KCNT2: variants seen among roughly 807,000 people sequenced by gnomAD.
KCNT2 encodes the protein potassium channel subfamily T member 2.
KCNT2 carries 67 observed loss-of-function variants against 153.8 expected under a neutral mutation model. The observed-to-expected ratio is 0.44, with a 90% CI of 0.36 to 0.53. The LOEUF (loss-of-function observed/expected upper bound fraction) is 0.53. KCNT2 is among the 20% of genes least tolerant of loss of function. KCNT2 has a pLI of 0.00. For missense variants in KCNT2, 975 were observed against 1,354.8 expected (o/e 0.72, Z 4.40); for synonymous variants, 500 against 458.8 (o/e 1.09, Z -1.15).
At chr1:196,285,233 G>A (rs1224715771) in intron 23 of KCNT2, among the ~76,000 whole-genome samples, 6 of 152,058 alleles carry the variant, frequency 3.9e-5, no homozygotes, top group Non-Finnish European at 1.5e-5. Flanking sequence ...AATGTCCTTA[G>A]TTTATCAGTT....
chr1:196,460,398 ATATATT>A (rs1431654153), intron 8 of KCNT2, among the ~76,000 whole-genome samples: 2 of 151,764 alleles, frequency 1.3e-5, no homozygotes, highest in Non-Finnish European at 2.9e-5. Context: ...TTAACTTATA[ATATATT>A]TAAGTATCTC....
At chr1:196,480,388 A>C (rs113922318) in intron 4 of KCNT2, among the ~76,000 whole-genome samples, 8,778 of 152,186 alleles carry the variant, frequency 0.058, 390 homozygotes, top group Non-Finnish European at 0.085. Context: ...GTGTAAGTAA[A>C]ATATGTTCAG....
chr1:196,444,980 A>G (rs1350561013), intron 8 of KCNT2, among the ~76,000 whole-genome samples: 4 of 151,426 alleles, frequency 2.6e-5, no homozygotes, highest in Non-Finnish European at 5.9e-5. Context: ...TACTAAATTC[A>G]GTCTAAAAGG....
chr1:196,399,263 C>T (rs1420232501), intron 12 of KCNT2, among the ~76,000 whole-genome samples: 1 of 151,324 alleles, frequency 6.6e-6, no homozygotes, highest in Non-Finnish European at 1.5e-5. Flanking sequence ...TAGTAGTCAC[C>T]CCATAAATTC....
intron 16 of KCNT2, among the ~76,000 whole-genome samples, chr1:196,335,582 T>C (rs927860609): frequency 3.9e-5 from 6 of 152,180 alleles, no homozygotes; most frequent in African/African-American, 1.4e-4. Flanking sequence ...CTATCCATCA[T>C]TGACTGAATT....
chr1:196,542,176 C>T (rs1656469323), intron 1 of KCNT2, among the ~76,000 whole-genome samples: 1 of 152,062 alleles, frequency 6.6e-6, no homozygotes, highest in South Asian at 2.1e-4. Flanking sequence ...TTTACACTAA[C>T]CCAAAATCCG....
chr1:196,282,291 T>A lies in KCNT2; in HGVS notation c.2763A>T (p.Gly921=). ...AACTTACAGAACAAAGAAACCCAGA[T>A]CCTGGTGTAGTGTCCAGTCCCAACA... ...RLLLGLDTTP[G]SGFLCSMKIT... is the part of the protein sequence containing the mutation. Residue 921 remains glycine (G), a synonymous_variant, in exon 24 of 28, where the codon GGA becomes GGT. Transcript: ENST00000294725. 1 of 1,594,390 alleles carries A rather than the reference T, an allele frequency of 6.3e-7. No individual in the cohort carries two copies. Among genetic ancestry groups the A allele is most frequent in the Non-Finnish European group, 8.6e-7 (1 of 1,163,160 alleles).
intron 14 of KCNT2, among the ~76,000 whole-genome samples, chr1:196,360,864 G>A (rs1667557168): frequency 6.6e-6 from 1 of 151,990 alleles, no homozygotes; most frequent in Non-Finnish European, 1.5e-5. Context: ...ACTAGCAAAC[G>A]AATACTATGG....
Position 196,492,339 on chromosome 1 carries a change from A to C in KCNT2, c.98T>G (p.Val33Gly), listed in dbSNP as rs1679918226. ...GDQGWQNDDR[V>G]QVEFYMNENT... ...TTCATTCATATAGAATTCAACTTGT[A>C]CCCTGCAAACAGAAAATAAAAACAT... is the stretch of plus-strand genomic sequence containing the variant. The change falls in exon 2 of 28, where the codon GTA (valine) becomes GGA (glycine). Residue 33 changes from valine (V) to glycine (G), a missense_variant and splice_region_variant. Physicochemically the swap from Val to Gly is moderately radical, Grantham distance 109 (BLOSUM62 -3). Coordinates refer to ENST00000294725, the MANE Select transcript of KCNT2 (RefSeq NM_198503.5). 1 of 1,389,152 alleles carries C rather than the reference A, an allele frequency of 7.2e-7. No individual in the cohort carries two copies. The highest frequency in any genetic ancestry group is 9.6e-7 in the Non-Finnish European group (1 of 1,043,230). 86.1% of individuals were successfully genotyped at this position (1,389,152 alleles called of 1,614,324 possible). A position where few individuals can be genotyped will look rare whatever the true frequency, so the allele number is the denominator to read the frequency against.
At chr1:196,414,026 C>G (rs1672551280) in intron 12 of KCNT2, among the ~76,000 whole-genome samples, 1 of 151,578 alleles carries the variant, frequency 6.6e-6, no homozygotes, top group African/African-American at 2.4e-5. Context: ...GTACTTTTAA[C>G]AAATAGTGTG....
chr1:196,228,368 A>G, intron 27 of KCNT2, 33 bp from the exon 28 acceptor site: 1 of 1,125,370 alleles, frequency 8.9e-7, no homozygotes, highest in Non-Finnish European at 1.3e-6. Context: ...ATAACTTTGC[A>G]ATAGTAAATA....
At chr1:196,304,956 A>C (rs1661494816) in intron 22 of KCNT2, among the ~76,000 whole-genome samples, 1 of 152,166 alleles carries the variant, frequency 6.6e-6, no homozygotes, top group Non-Finnish European at 1.5e-5. Context: ...GTGAGTATAC[A>C]CATTTCTGTT....
chr1:196,459,596 G>C (rs760138291), intron 8 of KCNT2, among the ~76,000 whole-genome samples: 11 of 151,762 alleles, frequency 7.2e-5, no homozygotes, highest in Non-Finnish European at 1.2e-4. Flanking sequence ...AAAATGTCAA[G>C]TTATCATTTA....
chr1:196,538,823 C>T (rs1490867045), intron 1 of KCNT2, among the ~76,000 whole-genome samples: 1 of 152,206 alleles, frequency 6.6e-6, no homozygotes, highest in Non-Finnish European at 1.5e-5. Context: ...ATCTGACTCT[C>T]TCACACTAAT....
chr1:196,375,226 CAA>C (rs1421479035), intron 13 of KCNT2, among the ~76,000 whole-genome samples: 1 of 139,074 alleles, frequency 7.2e-6, no homozygotes, highest in Non-Finnish European at 1.5e-5. Flanking sequence ...TAGAAGGAAG[CAA>C]AAGATTCCTA....
rs1373424796 is a variant in KCNT2, at chr1:196,414,567, GTTGTTGTTGT to G, written c.1185+8473_1185+8482del. ...TTCAAACGAAGTAAAAGTTTTTGTT[GTTGTTGTTGT>G]TTGTTGTTGTTCTACTTAACTGTCT... On this transcript the variant is annotated intron_variant, in intron 12 of 27. Transcript: ENST00000294725. 2.6e-5 allele frequency among the ~76,000 whole-genome samples: 4 copies of G among 151,894 alleles called. No individual in the cohort carries two copies. The South Asian group carries it at 8.3e-4, about 32-fold the overall frequency.
chr1:196,441,617 C>T (rs1029527037), intron 8 of KCNT2, among the ~76,000 whole-genome samples: 5 of 151,242 alleles, frequency 3.3e-5, no homozygotes, highest in Admixed American at 6.6e-5. Flanking sequence ...TGTTAAATTG[C>T]TATTTATTAC....
intron 1 of KCNT2, among the ~76,000 whole-genome samples, chr1:196,545,323 G>A (rs1656935261): frequency 6.6e-6 from 1 of 151,986 alleles, no homozygotes; most frequent in African/African-American, 2.4e-5. Flanking sequence ...GACCACCTTT[G>A]TTTGCTTAGC....
In KCNT2 at chr1:196,425,914, C is replaced by T. The variant is rs759492612; in HGVS notation, c.1059G>A (p.Trp353Ter). 6.2e-7 allele frequency: 1 copy of T among 1,612,394 alleles called. No individual in the cohort carries two copies. Among genetic ancestry groups the T allele is most frequent in the African/African-American group, 1.3e-5 (1 of 74,898 alleles). ...QVRRVLQIPMWSQRVIYLQGS... is the reference protein window; with the variant it reads ...QVRRVLQIPM ...CTTGAAGGTAGATAACTCGTTGGGA[C>T]CACATTGGAATCTGCAGTACCCTTC... The change falls in exon 11 of 28, where the codon TGG becomes TGA. Residue 353 changes from tryptophan to a stop codon, truncating the protein, a stop_gained. Coordinates refer to ENST00000294725, the MANE Select transcript of KCNT2 (RefSeq NM_198503.5). LOFTEE classifies it high-confidence loss of function.
Sources: gnomAD v4.1 joint callset for allele counts (sites outside exome capture counted in the v4.1 genomes callset) on GRCh38, gnomAD v4.1.1 for gene constraint, MANE v1.5 for transcripts, NCBI Gene and HGNC (gene_info 2026-07-23, HGNC 2026-07-21) for gene names.